IFFO1: variants seen among roughly 807,000 people sequenced by gnomAD.
The protein encoded by IFFO1 is non-homologous end joining factor IFFO1.
IFFO1 carries 42 observed loss-of-function variants against 59.6 expected under a neutral mutation model. That is an observed-to-expected ratio of 0.70 (90% confidence interval 0.55 to 0.91). The LOEUF (loss-of-function observed/expected upper bound fraction) is 0.91, where lower values mean the gene tolerates loss of function less well. IFFO1 is among the 40% of genes least tolerant of loss of function. The probability of loss-of-function intolerance (pLI) is 0.00; values close to 1 mark genes in which losing one functional copy is unlikely to be tolerated. For synonymous variants in IFFO1, 336 were observed against 342.8 expected, an observed-to-expected ratio of 0.98 and a Z score of 0.22; for missense variants, 711 against 793.2, an observed-to-expected ratio of 0.90 and a Z score of 1.24.
chr12:6,547,050 A>G lies in IFFO1; in HGVS notation c.1479+1015T>C, dbSNP rs148220216. 2.1e-3 allele frequency among the ~76,000 whole-genome samples: 317 copies of G among 152,252 alleles called. 3 individuals are homozygous for G. The highest frequency in any genetic ancestry group is 6.8e-3 in the African/African-American group (283 of 41,544). On this transcript the variant is annotated intron_variant, in intron 8 of 9. Coordinates refer to ENST00000619571, the MANE Select transcript of IFFO1 (RefSeq NM_001193457.2). ...AGCCAGACACTGCCCTAAGCTCTAT[A>G]TATGCATTATTTCATCTGATCTTCT...
chr12:6,549,566 G>T lies in IFFO1; in HGVS notation c.1072-82C>A. 7.5e-7 allele frequency: 1 copy of T among 1,337,436 alleles called. No homozygotes were observed. The highest frequency in any genetic ancestry group is 1.1e-6 in the Non-Finnish European group (1 of 931,104). 82.8% of individuals were successfully genotyped at this position (1,337,436 alleles called of 1,614,324 possible). ...GAGAGAGAGGGGGAAGGGAGAGACG[G>T]CGTTAGAGACAGCTTCCACGATGCC... On this transcript the variant is annotated intron_variant, in intron 4 of 9. Transcript: ENST00000619571. This position sits in a 1 kb window ranked among gnomAD's most constrained non-coding sequence, Gnocchi z 5.0.
chr12:6,544,207 C>T (rs980674944), intron 8 of IFFO1, among the ~76,000 whole-genome samples: 1 of 147,830 alleles, frequency 6.8e-6, no homozygotes, highest in Admixed American at 6.9e-5. Context: ...TGCTCTGTCA[C>T]CCAGGCTGTG....
Position 6,549,837 on chromosome 12 carries a change from G to A in IFFO1, c.990C>T (p.Ile330=). 1 of 1,614,240 alleles carries A rather than the reference G, an allele frequency of 6.2e-7. No homozygotes were observed. The highest frequency in any genetic ancestry group is 8.5e-7 in the Non-Finnish European group (1 of 1,180,020). Residue 330 remains isoleucine, a synonymous_variant, in exon 4 of 10, where the codon ATC becomes ATT. Coordinates refer to ENST00000619571, the MANE Select transcript of IFFO1 (RefSeq NM_001193457.2). The surrounding 1 kb of genome is among the most constrained non-coding windows in gnomAD (Gnocchi z 5.0). ...TGGCGGTGATGTCGATGCGGCGGCA[G>A]ATGTCCATATCCACCTTCATGGCTT... The part of the protein sequence containing the change: ...QEKAMKVDMD[I]CRRIDITAKL...
Position 6,550,000 on chromosome 12 carries a change from G to A in IFFO1, c.931-104C>T. 1 of 1,286,028 alleles carries A rather than the reference G, an allele frequency of 7.8e-7. No individual in the cohort carries two copies. Among genetic ancestry groups the A allele is most frequent in the Non-Finnish European group, 1.1e-6 (1 of 936,358 alleles). 79.7% of individuals were successfully genotyped at this position (1,286,028 alleles called of 1,614,324 possible). A position where few individuals can be genotyped will look rare whatever the true frequency, so the allele number is the denominator to read the frequency against. On this transcript the variant is annotated intron_variant, in intron 3 of 9. Transcript: ENST00000619571. The surrounding 1 kb of genome is among the most constrained non-coding windows in gnomAD (Gnocchi z 5.0). ...ATCCTTCCCACCACATTGCACCGGTGCCTCTTCTGTGGAGTCTCCCTGAGC... is the reference window on the plus strand; with the variant it reads ...ATCCTTCCCACCACATTGCACCGGTACCTCTTCTGTGGAGTCTCCCTGAGC...
At position 6,541,061 on chromosome 12, in the gene IFFO1, A is replaced by G. The variant is rs923506558; in HGVS notation, c.1610+451T>C. 5.3e-5 allele frequency among the ~76,000 whole-genome samples: 8 copies of G among 149,586 alleles called. No individual in the cohort carries two copies. Among genetic ancestry groups the G allele is most frequent in the Non-Finnish European group, 1.2e-4 (8 of 67,642 alleles). On this transcript the variant is annotated intron_variant, in intron 9 of 9. Coordinates refer to ENST00000619571, the MANE Select transcript of IFFO1 (RefSeq NM_001193457.2). This position sits in a 1 kb window ranked among gnomAD's most constrained non-coding sequence, Gnocchi z 4.8. ...AAGAAATAGCTGAAGTCACAGTAGG[A>G]GAGAAGCTGCTGAGCCTCCAGCACC...
At position 6,550,791 on chromosome 12, in the gene IFFO1, C is replaced by T; in HGVS notation, c.835-1G>A. 6.2e-7 allele frequency: 1 copy of T among 1,613,934 alleles called. No homozygotes were observed. The highest frequency in any genetic ancestry group is 8.5e-7 in the Non-Finnish European group (1 of 1,179,870). On this transcript the variant is annotated splice_acceptor_variant, in intron 2 of 9. Transcript: ENST00000619571. LOFTEE classifies it high-confidence loss of function. ...GGCAGGCATCAGCCTCCTGGGCTTCCTGCAGTTGGGAGAAACCCTGATGTT... is the reference window on the plus strand; with the variant it reads ...GGCAGGCATCAGCCTCCTGGGCTTCTTGCAGTTGGGAGAAACCCTGATGTT...
rs1363175143 is a variant in IFFO1, at chr12:6,555,886, A to C, written c.144T>G (p.Pro48=). ...LPPAPLSPAG[P]AAYSPPGPGP... ...CCGGCCCGGGCGGCGAGTAGGCAGCAGGGCCGGCCGGCGAGAGAGGCGCCG... is the reference window on the plus strand; with the variant it reads ...CCGGCCCGGGCGGCGAGTAGGCAGCCGGGCCGGCCGGCGAGAGAGGCGCCG... The change falls in exon 1 of 10, where the codon CCT becomes CCG. Residue 48 remains proline (P), a synonymous_variant. Coordinates refer to ENST00000619571, the MANE Select transcript of IFFO1 (RefSeq NM_001193457.2). The surrounding 1 kb of genome is among the most constrained non-coding windows in gnomAD (Gnocchi z 8.6). 2.5e-6 allele frequency: 4 copies of C among 1,587,354 alleles called. No homozygotes were observed. The African/African-American group carries it at 4.1e-5, about 16-fold the overall frequency.
chr12:6,541,021 C>CA lies in IFFO1; in HGVS notation c.1611-434dup, dbSNP rs34135055. Among the ~76,000 whole-genome samples, 73,782 of 132,998 alleles carry CA rather than the reference C, an allele frequency of 0.55. 20,663 individuals carry two copies. The highest frequency in any genetic ancestry group is 0.69 in the African/African-American group (24,811 of 35,914). The allele number at this position is 132,998 out of a possible 152,430, so 87.3% of individuals were successfully genotyped here. On this transcript the variant is annotated intron_variant, in intron 9 of 9. Coordinates refer to ENST00000619571, the MANE Select transcript of IFFO1 (RefSeq NM_001193457.2). This position sits in a 1 kb window ranked among gnomAD's most constrained non-coding sequence, Gnocchi z 4.8. ...CTGGGAGGCGGAGGTTGTAGTGAGCCAAAAAAAAAAAAAAAAGAAATAGCT... is the reference window on the plus strand; with the variant it reads ...CTGGGAGGCGGAGGTTGTAGTGAGCCAAAAAAAAAAAAAAAAAGAAATAGCT...
chr12:6,540,429 G>A lies in IFFO1; in HGVS notation c.*54C>T, dbSNP rs2136084301. The A allele has an allele frequency of 7.1e-7, 1 of 1,411,076 alleles. No individual in the cohort carries two copies. Among genetic ancestry groups the A allele is most frequent in the Non-Finnish European group, 1.0e-6 (1 of 995,406 alleles). 87.4% of individuals were successfully genotyped at this position (1,411,076 alleles called of 1,614,324 possible). A position where few individuals can be genotyped will look rare whatever the true frequency, so the allele number is the denominator to read the frequency against. ...TCCCCTCTGTGCAGCCCCACCCTCT[G>A]CCTCGCTGAGCTCCCTGCTGCGAGG... is the stretch of plus-strand genomic sequence containing the variant. On this transcript the variant is annotated 3_prime_UTR_variant, in exon 10 of 10. Coordinates refer to ENST00000619571, the MANE Select transcript of IFFO1 (RefSeq NM_001193457.2).
In IFFO1 at chr12:6,548,200, G is replaced by A. The variant is rs762894377; in HGVS notation, c.1384-40C>T. 1.3e-6 allele frequency: 2 copies of A among 1,531,740 alleles called. No individual in the cohort carries two copies. The highest frequency in any genetic ancestry group is 2.7e-5 in the African/African-American group (2 of 73,200). The allele number at this position is 1,531,740 out of a possible 1,614,324, so 94.9% of individuals were successfully genotyped here. ...GAAGCGGGGGAGGCCAGCCAAGGAGGGATGGGATGGGACGCATTCCAAAGG... is the reference window on the plus strand; with the variant it reads ...GAAGCGGGGGAGGCCAGCCAAGGAGAGATGGGATGGGACGCATTCCAAAGG... On this transcript the variant is annotated intron_variant, in intron 7 of 9. Transcript: ENST00000619571. This position sits in a 1 kb window ranked among gnomAD's most constrained non-coding sequence, Gnocchi z 6.1.
At position 6,540,447 on chromosome 12, in the gene IFFO1, C is replaced by T. The variant is rs1565560340; in HGVS notation, c.*36G>A. ...ACCCTCTGCCTCGCTGAGCTCCCTG[C>T]TGCGAGGGCCTCGGGTGCAAGGGGG... On this transcript the variant is annotated 3_prime_UTR_variant, in exon 10 of 10. Coordinates refer to ENST00000619571, the MANE Select transcript of IFFO1 (RefSeq NM_001193457.2). 1.1e-5 allele frequency: 17 copies of T among 1,538,720 alleles called. No individual in the cohort carries two copies. In the East Asian group the frequency reaches 3.6e-4, roughly 33 times the overall value.
chr12:6,546,080 T>G (rs1946947682), intron 8 of IFFO1, among the ~76,000 whole-genome samples: 2 of 152,242 alleles, frequency 1.3e-5, no homozygotes, highest in African/African-American at 4.8e-5. Flanking sequence ...TTGTGCCAGT[T>G]TTGCTGTCAC....
In IFFO1 at chr12:6,555,884, G is replaced by T; in HGVS notation, c.146C>A (p.Ala49Asp). 6.3e-7 allele frequency: 1 copy of T among 1,593,422 alleles called. No homozygotes were observed. The highest frequency in any genetic ancestry group is 2.3e-5 in the East Asian group (1 of 44,088). ...GCCCGGCCCGGGCGGCGAGTAGGCA[G>T]CAGGGCCGGCCGGCGAGAGAGGCGC... is the stretch of plus-strand genomic sequence containing the variant. ...PPAPLSPAGP[A>D]AYSPPGPGPA... The change falls in exon 1 of 10, where the codon GCT becomes GAT. Residue 49 changes from alanine to aspartate, a missense_variant. Physicochemically the swap from Ala to Asp is moderately radical, Grantham distance 126. Around this residue, in one of 3 missense-constraint regions of IFFO1, gnomAD observed 114 missense variants for 102.4 expected, o/e 1.11. Transcript: ENST00000619571. This position sits in a 1 kb window ranked among gnomAD's most constrained non-coding sequence, Gnocchi z 8.6.
chr12:6,554,084 G>GAA (rs60129433), intron 1 of IFFO1, among the ~76,000 whole-genome samples: 83 of 143,484 alleles, frequency 5.8e-4, no homozygotes, highest in African/African-American at 1.0e-3. Context: ...TCATTTATGG[G>GAA]AAAAAAAAAA....
At chr12:6,550,092 G>A (rs1947167366) in intron 3 of IFFO1, 196 bp from the exon 4 acceptor site, 5 of 558,572 alleles carry the variant, frequency 9.0e-6, no homozygotes, top group Non-Finnish European at 1.5e-5. Context: ...GCTGGGCATG[G>A]GGCGGCTCGG....
chr12:6,551,053 CCCCCATGGCTCCCTGT>C, intron 1 of IFFO1, 52 bp from the exon 2 acceptor site: 1 of 1,568,532 alleles, frequency 6.4e-7, no homozygotes. Context: ...TCCTTCCCTG[CCCCCATGGCTCCCTGT>C]CCCCACCTCT....
chr12:6,550,886 G>A, intron 2 of IFFO1, 55 bp downstream of exon 2: 1 of 1,605,398 alleles, frequency 6.2e-7, no homozygotes, highest in Non-Finnish European at 8.5e-7. Flanking sequence ...GCAGGGTCAT[G>A]GGCAGACAGG....
At position 6,548,595 on chromosome 12, in the gene IFFO1, G is replaced by A. The variant is rs369602476; in HGVS notation, c.1263-50C>T. On this transcript the variant is annotated intron_variant, in intron 6 of 9. Coordinates refer to ENST00000619571, the MANE Select transcript of IFFO1 (RefSeq NM_001193457.2). The surrounding 1 kb of genome is among the most constrained non-coding windows in gnomAD (Gnocchi z 6.1). ...AGGGCGGGCGGGGCCTCGTCCTGGC[G>A]GGGGACTGGGGAGCTCCGGCCTCCT... 94 of 1,613,216 alleles carry A rather than the reference G, an allele frequency of 5.8e-5. No individual in the cohort carries two copies. Among genetic ancestry groups the A allele is most frequent in the Middle Eastern group, 3.3e-4 (2 of 6,078 alleles).
At position 6,540,303 on chromosome 12, in the gene IFFO1, A is replaced by C; in HGVS notation, c.*180T>G. On this transcript the variant is annotated 3_prime_UTR_variant, in exon 10 of 10. Transcript: ENST00000619571. ...ATGGTAGGGCCAAGCCTAGCTCCAG[A>C]CACCCCAGAGCCCTGGAGAAGCCAA... 1.6e-6 allele frequency: 1 copy of C among 610,726 alleles called. No individual in the cohort carries two copies. Among genetic ancestry groups the C allele is most frequent in the Non-Finnish European group, 2.9e-6 (1 of 343,192 alleles). 37.8% of individuals were successfully genotyped at this position (610,726 alleles called of 1,614,324 possible).
Sources: allele counts gnomAD v4.1 joint callset (sites outside exome capture counted in the v4.1 genomes callset), GRCh38; gene constraint gnomAD v4.1.1; regional missense constraint gnomAD v4.1.1; non-coding constraint Gnocchi (gnomAD v3.1); transcripts MANE v1.5; gene names NCBI Gene and HGNC (gene_info 2026-07-23, HGNC 2026-07-21).